Variants in MAP4K5 observed in about 807,000 individuals in gnomAD.
The protein encoded by MAP4K5 is MAPK/ERK kinase kinase kinase 5.
A neutral mutation model predicts 135.6 loss-of-function variants in MAP4K5; 82 were observed. That is an observed-to-expected ratio of 0.60 (90% CI 0.51 to 0.73). The LOEUF (loss-of-function observed/expected upper bound fraction) is 0.73. Among genes scored for constraint, MAP4K5 ranks in the 30% least tolerant of loss-of-function variants. The probability of loss-of-function intolerance (pLI) is 0.00; values close to 1 mark genes in which losing one functional copy is unlikely to be tolerated. For synonymous variants in MAP4K5, 347 were observed against 335.0 expected (o/e 1.04, Z -0.39); for missense variants, 907 against 1,010.9 (o/e 0.90, Z 1.39).
intron 10 of MAP4K5, among the ~76,000 whole-genome samples, 181 bp from the exon 11 acceptor site, chr14:50,466,826 C>A (rs1206654375): frequency 6.6e-6 from 1 of 152,042 alleles, no homozygotes; most frequent in Non-Finnish European, 1.5e-5. Context: ...TTTCTCTTGA[C>A]TACAGAGAAG....
At chr14:50,463,757 C>T (rs751026761) in intron 12 of MAP4K5, among the ~76,000 whole-genome samples, 45 of 151,500 alleles carry the variant, frequency 3.0e-4, no homozygotes, top group Admixed American at 2.0e-4. Flanking sequence ...TAGTGGCACG[C>T]GCCTGTAATC....
At chr14:50,463,488 C>A (rs2036756954) in intron 12 of MAP4K5, among the ~76,000 whole-genome samples, 1 of 151,480 alleles carries the variant, frequency 6.6e-6, no homozygotes, top group Non-Finnish European at 1.5e-5. Flanking sequence ...CATATATACA[C>A]TGTTTATGGC....
At chr14:50,434,752 A>G (rs2036051995) in intron 27 of MAP4K5, among the ~76,000 whole-genome samples, 181 bp from the exon 28 acceptor site, 1 of 152,234 alleles carries the variant, frequency 6.6e-6, no homozygotes, top group African/African-American at 2.4e-5. Flanking sequence ...ATAATTAGCC[A>G]TATTAATCTT....
rs1270329257 is a variant in MAP4K5 at position 50,418,726 on chromosome 14, T to C, written c.*1293A>G. 1 of 152,278 alleles carries C rather than the reference T, an allele frequency of 6.6e-6. No individual in the cohort carries two copies. Among genetic ancestry groups the C allele is most frequent in the African/African-American group, 2.4e-5 (1 of 41,458 alleles). The allele number at this position is 152,278 out of a possible 1,614,324, so 9.4% of individuals were successfully genotyped here. A position where few individuals can be genotyped will look rare whatever the true frequency, so the allele number is the denominator to read the frequency against. ...AATACTGAATGAGATACTTATACTG[T>C]TTTCCTCTTAAGTAATTAGTCAAAA... On this transcript the variant is annotated 3_prime_UTR_variant, in exon 33 of 33. Transcript: ENST00000682126.
At chr14:50,505,875 T>A (rs1336930333) in intron 2 of MAP4K5, among the ~76,000 whole-genome samples, 1 of 152,172 alleles carries the variant, frequency 6.6e-6, no homozygotes, top group African/African-American at 2.4e-5. Context: ...ATTTAAGACA[T>A]ATTTGTTTTA....
At chr14:50,480,224 A>G (rs899523787) in intron 6 of MAP4K5, among the ~76,000 whole-genome samples, 2 of 151,914 alleles carry the variant, frequency 1.3e-5, no homozygotes, top group African/African-American at 4.8e-5. Context: ...TTTATTTGGT[A>G]CAGGCGGCAA....
At chr14:50,523,499 T>G (rs527535448) in intron 2 of MAP4K5, among the ~76,000 whole-genome samples, 29 of 152,210 alleles carry the variant, frequency 1.9e-4, no homozygotes, top group African/African-American at 6.5e-4. Flanking sequence ...GATTACCCAG[T>G]TATCCACTTG....
intron 1 of MAP4K5, among the ~76,000 whole-genome samples, chr14:50,555,739 G>A (rs2038757981): frequency 6.6e-6 from 1 of 152,188 alleles, no homozygotes; most frequent in African/African-American, 2.4e-5. Flanking sequence ...TGATACCACT[G>A]AGCTGATGAA....
intron 3 of MAP4K5, among the ~76,000 whole-genome samples, chr14:50,487,383 G>C (rs1345811718): frequency 1.3e-5 from 2 of 152,062 alleles, no homozygotes; most frequent in African/African-American, 4.8e-5. Flanking sequence ...ATAATCATTG[G>C]AACTTTTTTT....
intron 2 of MAP4K5, among the ~76,000 whole-genome samples, chr14:50,509,880 A>T (rs2037895798): frequency 6.6e-6 from 1 of 152,188 alleles, no homozygotes; most frequent in Non-Finnish European, 1.5e-5. Context: ...TTGAACATAC[A>T]GTATAAGTTT....
At chr14:50,487,605 G>A (rs562928167) in intron 3 of MAP4K5, among the ~76,000 whole-genome samples, 3 of 152,110 alleles carry the variant, frequency 2.0e-5, no homozygotes, top group Non-Finnish European at 4.4e-5. Flanking sequence ...ATAAGTGTAC[G>A]AATGGCTACT....
intron 1 of MAP4K5, among the ~76,000 whole-genome samples, chr14:50,550,069 G>A (rs2038682502): frequency 6.6e-6 from 1 of 152,202 alleles, no homozygotes; most frequent in South Asian, 2.1e-4. Flanking sequence ...GGTGAATGAA[G>A]GCTGCTGGAG....
chr14:50,545,716 TG>T (rs1595568593), intron 1 of MAP4K5, among the ~76,000 whole-genome samples: 1 of 152,112 alleles, frequency 6.6e-6, no homozygotes, highest in African/African-American at 2.4e-5. Context: ...CGGCCCTGGT[TG>T]GGGATTTGGT....
chr14:50,547,472 A>G (rs2038648085), intron 1 of MAP4K5, among the ~76,000 whole-genome samples: 1 of 152,222 alleles, frequency 6.6e-6, no homozygotes, highest in African/African-American at 2.4e-5. Flanking sequence ...TCAAGGAGCA[A>G]AAAGAATATG....
At chr14:50,526,613 T>C (rs1442347509) in intron 2 of MAP4K5, among the ~76,000 whole-genome samples, 2 of 152,214 alleles carry the variant, frequency 1.3e-5, no homozygotes, top group Non-Finnish European at 2.9e-5. Context: ...TTTTCTTGAC[T>C]AAACCATATG....
chr14:50,556,510 A>G (rs1423315063), intron 1 of MAP4K5, among the ~76,000 whole-genome samples: 3 of 152,222 alleles, frequency 2.0e-5, no homozygotes, highest in Non-Finnish European at 2.9e-5. Flanking sequence ...GAGCCACTGC[A>G]CCCAGCCTAA....
At chr14:50,471,288 C>T (rs2036955471) in intron 9 of MAP4K5, among the ~76,000 whole-genome samples, 1 of 152,042 alleles carries the variant, frequency 6.6e-6, no homozygotes, top group African/African-American at 2.4e-5. Flanking sequence ...TTAATTTGTT[C>T]ATCAAGGGAC....
upstream of MAP4K5, among the ~76,000 whole-genome samples, chr14:50,536,874 A>G (rs903432952): frequency 2.6e-5 from 4 of 152,258 alleles, no homozygotes; most frequent in African/African-American, 9.6e-5. Flanking sequence ...AAAAGCATTC[A>G]GTCTTATAAG....
intron 14 of MAP4K5, among the ~76,000 whole-genome samples, chr14:50,453,114 A>AAT (rs1432161766): frequency 6.6e-6 from 1 of 152,050 alleles, no homozygotes; most frequent in Admixed American, 6.6e-5. Flanking sequence ...ACCTGGCTGA[A>AAT]ATTTACTTGT....
Sources: allele counts gnomAD v4.1 joint callset (sites outside exome capture counted in the v4.1 genomes callset), GRCh38; gene constraint gnomAD v4.1.1; transcripts MANE v1.5; gene names NCBI Gene and HGNC (gene_info 2026-07-23, HGNC 2026-07-21).